Variants in SMAD5 observed in about 807,000 individuals in gnomAD.
The protein encoded by SMAD5 is SMAD family member 5, also known as MAD, mothers against decapentaplegic homolog 5.
In SMAD5, 9 loss-of-function variants were observed where a neutral mutation model predicts 43.1. The ratio of observed to expected loss-of-function variants is 0.21; its 90% CI spans 0.13 to 0.36. SMAD5 has a LOEUF of 0.36. SMAD5 is among the 10% of genes least tolerant of loss of function. The pLI is 1.00. For missense variants in SMAD5, 348 were observed against 574.0 expected (o/e 0.61, Z 4.02); for synonymous variants, 190 against 192.4 (o/e 0.99, Z 0.10).
intron 4 of SMAD5, among the ~76,000 whole-genome samples, chr5:136,162,138 G>A (rs1375484186): frequency 6.6e-6 from 1 of 152,182 alleles, no homozygotes; most frequent in African/African-American, 2.4e-5. Context: ...TGAATGGGAC[G>A]TGATTAAATC....
chr5:136,144,654 G>A (rs1753199644), intron 1 of SMAD5, among the ~76,000 whole-genome samples: 1 of 151,048 alleles, frequency 6.6e-6, no homozygotes, highest in Non-Finnish European at 1.5e-5. Flanking sequence ...TCCCACTGGT[G>A]TACTTTAGGA....
rs1199927598 is a variant in SMAD5, at chr5:136,153,887, A to G, written c.127A>G (p.Lys43Glu). ...AGTTGATGCTTTGGTGAAGAAACTA[A>G]AAAAGAAAAAGGGTGCCATGGAGGA... is the stretch of plus-strand genomic sequence containing the variant. ...KAVDALVKKL[K>E]KKKGAMEELE... Residue 43 changes from lysine to glutamate, a missense_variant, in exon 3 of 8, where the codon AAA (lysine) becomes GAA (glutamate). Coordinates refer to ENST00000545279, the MANE Select transcript of SMAD5 (RefSeq NM_005903.7). 1 of 1,614,040 alleles carries G rather than the reference A, an allele frequency of 6.2e-7. No individual in the cohort carries two copies. Among genetic ancestry groups the G allele is most frequent in the Non-Finnish European group, 8.5e-7 (1 of 1,179,926 alleles).
chr5:136,166,964 A>G (rs1043753370), intron 5 of SMAD5, among the ~76,000 whole-genome samples: 1 of 152,090 alleles, frequency 6.6e-6, no homozygotes, highest in African/African-American at 2.4e-5. Context: ...TACCTTTTTC[A>G]CTAGAATTTC....
chr5:136,150,074 A>G (rs936916970), intron 2 of SMAD5, among the ~76,000 whole-genome samples: 1 of 151,846 alleles, frequency 6.6e-6, no homozygotes, highest in Non-Finnish European at 1.5e-5. Flanking sequence ...TCAGTAACTC[A>G]CTATCAGGAA....
At chr5:136,174,255 T>C in intron 6 of SMAD5, 121 bp from the exon 7 acceptor site, 1 of 832,716 alleles carries the variant, frequency 1.2e-6, no homozygotes, top group Non-Finnish European at 1.9e-6. Flanking sequence ...TGGTAACTTC[T>C]GTCTAAAGAC....
intron 5 of SMAD5, among the ~76,000 whole-genome samples, chr5:136,171,207 C>T (rs1376056623): frequency 6.6e-6 from 1 of 151,998 alleles, no homozygotes; most frequent in Non-Finnish European, 1.5e-5. Flanking sequence ...GAGGAAGTTC[C>T]CCTCTATTCC....
chr5:136,144,316 C>G (rs899760786), intron 1 of SMAD5, among the ~76,000 whole-genome samples: 1 of 151,974 alleles, frequency 6.6e-6, no homozygotes, highest in Non-Finnish European at 1.5e-5. Flanking sequence ...ATTACTGTAA[C>G]AAGACTTGGC....
At chr5:136,140,732 A>G (rs1399010681) in intron 1 of SMAD5, among the ~76,000 whole-genome samples, 1 of 150,736 alleles carries the variant, frequency 6.6e-6, no homozygotes, top group East Asian at 2.0e-4. Flanking sequence ...ATTTTTCTCT[A>G]TAGCACTTTT....
intron 2 of SMAD5, among the ~76,000 whole-genome samples, chr5:136,148,201 G>C (rs190326893): frequency 6.6e-6 from 1 of 151,166 alleles, no homozygotes; most frequent in Non-Finnish European, 1.5e-5. Flanking sequence ...AAATAATTCA[G>C]TATCATTATA....
chr5:136,154,264 C>A, intron 3 of SMAD5, 101 bp downstream of exon 3: 1 of 725,188 alleles, frequency 1.4e-6, no homozygotes. Context: ...GTTGTATTAG[C>A]TTTGTGTTTC....
intron 1 of SMAD5, among the ~76,000 whole-genome samples, chr5:136,136,031 C>G (rs1274247000): frequency 6.6e-6 from 1 of 152,174 alleles, no homozygotes; most frequent in Non-Finnish European, 1.5e-5. Flanking sequence ...ATTCTTGTCT[C>G]CACCAGTCTG....
intron 3 of SMAD5, 73 bp downstream of exon 3, chr5:136,154,236 A>T (rs1406353327): frequency 1.1e-6 from 1 of 881,802 alleles, no homozygotes; most frequent in Non-Finnish European, 1.6e-6. Context: ...GCATGTAACT[A>T]GATTTAGTAA....
Position 136,181,362 on chromosome 5 carries a change from G to A in SMAD5, c.*3882G>A, listed in dbSNP as rs1754621777. On this transcript the variant is annotated 3_prime_UTR_variant, in exon 8 of 8. Coordinates refer to ENST00000545279, the MANE Select transcript of SMAD5 (RefSeq NM_005903.7). ...AATCCTCACCTAATCTCTTGGGTAT[G>A]AATATAAATGTGTGTCATCGTTATA... 1 of 152,106 alleles carries A rather than the reference G, an allele frequency of 6.6e-6. No individual in the cohort carries two copies. Among genetic ancestry groups the A allele is most frequent in the African/African-American group, 2.4e-5 (1 of 41,440 alleles). 9.4% of individuals were successfully genotyped at this position (152,106 alleles called of 1,614,324 possible).
At chr5:136,177,123 A>T (rs1446594466) in intron 7 of SMAD5, among the ~76,000 whole-genome samples, 1 of 152,214 alleles carries the variant, frequency 6.6e-6, no homozygotes, top group Non-Finnish European at 1.5e-5. Flanking sequence ...AGGGAATTAT[A>T]TATTATTTTA....
Position 136,179,545 on chromosome 5 carries a change from T to C in SMAD5, c.*2065T>C, listed in dbSNP as rs1366153033. 1 of 152,406 alleles carries C rather than the reference T, an allele frequency of 6.6e-6. No individual in the cohort carries two copies. Among genetic ancestry groups the C allele is most frequent in the African/African-American group, 2.4e-5 (1 of 41,460 alleles). 9.4% of individuals were successfully genotyped at this position (152,406 alleles called of 1,614,324 possible). On this transcript the variant is annotated 3_prime_UTR_variant, in exon 8 of 8. Coordinates refer to ENST00000545279, the MANE Select transcript of SMAD5 (RefSeq NM_005903.7). ...GTGTCATTATTTATTGCTTTTTCAATGTGCAGCCAGTGGATGGTTTTAGTT... is the reference window on the plus strand; with the variant it reads ...GTGTCATTATTTATTGCTTTTTCAACGTGCAGCCAGTGGATGGTTTTAGTT...
chr5:136,174,880 A>T (rs1474704241), intron 7 of SMAD5, among the ~76,000 whole-genome samples: 2 of 152,230 alleles, frequency 1.3e-5, no homozygotes, highest in African/African-American at 4.8e-5. Flanking sequence ...GGCTGAGATT[A>T]TAAGGAATTT....
intron 3 of SMAD5, among the ~76,000 whole-genome samples, chr5:136,155,656 A>AACT (rs1218742771): frequency 6.6e-6 from 1 of 152,168 alleles, no homozygotes; most frequent in Non-Finnish European, 1.5e-5. Context: ...TCCAGGCTTT[A>AACT]ACTCTTGCTG....
intron 1 of SMAD5, among the ~76,000 whole-genome samples, chr5:136,140,999 A>G (rs1753061822): frequency 6.6e-6 from 1 of 152,132 alleles, no homozygotes; most frequent in African/African-American, 2.4e-5. Context: ...AATTATTATG[A>G]ATCAGTTAAT....
chr5:136,179,279 G>T lies in SMAD5; in HGVS notation c.*1799G>T, dbSNP rs926341758. On this transcript the variant is annotated 3_prime_UTR_variant, in exon 8 of 8. Coordinates refer to ENST00000545279, the MANE Select transcript of SMAD5 (RefSeq NM_005903.7). ...TGAACCAGTTTTTTTCTCAGGAGCTGTCAAATGGACACTTAATTATGACAT... is the reference window on the plus strand; with the variant it reads ...TGAACCAGTTTTTTTCTCAGGAGCTTTCAAATGGACACTTAATTATGACAT... The T allele has an allele frequency of 6.6e-6, 1 of 152,372 alleles. No individual in the cohort carries two copies. The highest frequency in any genetic ancestry group is 1.5e-5 in the Non-Finnish European group (1 of 68,000). 9.4% of individuals were successfully genotyped at this position (152,372 alleles called of 1,614,324 possible).
Sources: allele counts gnomAD v4.1 joint callset (sites outside exome capture counted in the v4.1 genomes callset), GRCh38; gene constraint gnomAD v4.1.1; transcripts MANE v1.5; gene names NCBI Gene and HGNC (gene_info 2026-07-23, HGNC 2026-07-21).